The following FGF12 variants were observed in gnomAD, a reference collection of about 807,000 sequenced individuals.
FGF12 encodes fibroblast growth factor 12B.
FGF12 carries 14 observed loss-of-function variants against 23.6 expected under a neutral mutation model. The observed-to-expected ratio is 0.59, with a 90% CI of 0.39 to 0.93. FGF12 has a LOEUF of 0.93. FGF12 is among the 40% of genes least tolerant of loss of function. The pLI is 0.00. For synonymous variants in FGF12, 62 were observed against 77.3 expected, an observed-to-expected ratio of 0.80 and a Z score of 1.04; for missense variants, 175 against 217.8, an observed-to-expected ratio of 0.80 and a Z score of 1.24.
At chr3:192,558,914 T>C (rs1429267379) in intron 2 of FGF12, among the ~76,000 whole-genome samples, 2 of 151,828 alleles carry the variant, frequency 1.3e-5, no homozygotes, top group Non-Finnish European at 3.0e-5. Context: ...AATAATGAAA[T>C]TGAACCATTA....
chr3:192,472,754 T>C (rs1723209417), intron 2 of FGF12, among the ~76,000 whole-genome samples: 1 of 152,178 alleles, frequency 6.6e-6, no homozygotes, highest in Non-Finnish European at 1.5e-5. Flanking sequence ...TCCTCAGCCC[T>C]GTCTCCTCAC....
At chr3:192,692,249 G>A (rs1002225354) in intron 2 of FGF12, among the ~76,000 whole-genome samples, 3 of 152,028 alleles carry the variant, frequency 2.0e-5, no homozygotes, top group Non-Finnish European at 2.9e-5. Context: ...GATGAACATC[G>A]ATGCAAAAAT....
At chr3:192,451,672 T>C (rs1722525184) in intron 2 of FGF12, among the ~76,000 whole-genome samples, 1 of 152,194 alleles carries the variant, frequency 6.6e-6, no homozygotes, top group Admixed American at 6.5e-5. Flanking sequence ...AAATATCACA[T>C]ATATTTAGGA....
At chr3:192,620,151 C>T (rs1490327122) in intron 2 of FGF12, among the ~76,000 whole-genome samples, 2 of 152,068 alleles carry the variant, frequency 1.3e-5, no homozygotes, top group African/African-American at 2.4e-5. Context: ...CTCTCATCCT[C>T]CTCATCGAGG....
At chr3:192,543,956 T>G (rs1212149408) in intron 2 of FGF12, among the ~76,000 whole-genome samples, 1 of 152,212 alleles carries the variant, frequency 6.6e-6, no homozygotes, top group Non-Finnish European at 1.5e-5. Context: ...CTCCCAGAGC[T>G]GCAAGCTACA....
At chr3:192,439,326 T>G (rs142234199) in intron 2 of FGF12, among the ~76,000 whole-genome samples, 1 of 152,338 alleles carries the variant, frequency 6.6e-6, no homozygotes, top group East Asian at 1.9e-4. Flanking sequence ...TATTTCTTTA[T>G]GTCCAACACA....
At chr3:192,725,459 T>C (rs566276122) in intron 2 of FGF12, among the ~76,000 whole-genome samples, 82 of 152,284 alleles carry the variant, frequency 5.4e-4, no homozygotes, top group African/African-American at 1.9e-3. Flanking sequence ...CTGAGATTCT[T>C]TCTCCTTTCT....
intron 4 of FGF12, chr3:192,268,719 G>A: frequency 2.2e-6 from 1 of 447,624 alleles, no homozygotes. Context: ...GGAGATGCCA[G>A]CACCATGCTT....
chr3:192,464,862 C>T (rs1382604087), intron 2 of FGF12, among the ~76,000 whole-genome samples: 1 of 152,036 alleles, frequency 6.6e-6, no homozygotes, highest in Non-Finnish European at 1.5e-5. Context: ...TCTGAGAGGT[C>T]TGGCTGTTAA....
At chr3:192,369,208 A>G (rs1259902800) in intron 2 of FGF12, among the ~76,000 whole-genome samples, 1 of 152,234 alleles carries the variant, frequency 6.6e-6, no homozygotes, top group Non-Finnish European at 1.5e-5. Context: ...AATGAAAGTA[A>G]TAAGATATAC....
At chr3:192,398,194 C>A (rs1383779348) in intron 2 of FGF12, among the ~76,000 whole-genome samples, 1 of 152,126 alleles carries the variant, frequency 6.6e-6, no homozygotes, top group Non-Finnish European at 1.5e-5. Context: ...TAGTGCCTTG[C>A]AAGTAATTAA....
intron 4 of FGF12, among the ~76,000 whole-genome samples, chr3:192,286,842 C>T (rs902212275): frequency 6.6e-6 from 1 of 151,970 alleles, no homozygotes; most frequent in African/African-American, 2.4e-5. Context: ...AACTTTAAGA[C>T]ACTATATATC....
At chr3:192,276,450 T>C (rs2108634606) in intron 4 of FGF12, among the ~76,000 whole-genome samples, 1 of 151,956 alleles carries the variant, frequency 6.6e-6, no homozygotes, top group Admixed American at 6.6e-5. Context: ...GGTTACAGCT[T>C]ATTTTAAAAT....
At chr3:192,307,454 A>T (rs1172641634) in intron 4 of FGF12, among the ~76,000 whole-genome samples, 1 of 152,228 alleles carries the variant, frequency 6.6e-6, no homozygotes, top group East Asian at 1.9e-4. Context: ...AGTCTAGCCG[A>T]CCTCTATGAT....
chr3:192,332,339 C>T (rs1028200381), intron 4 of FGF12, among the ~76,000 whole-genome samples: 2 of 151,486 alleles, frequency 1.3e-5, no homozygotes, highest in African/African-American at 2.4e-5. Context: ...CCTGAGGTTA[C>T]AAACTTGCAG....
intron 2 of FGF12, among the ~76,000 whole-genome samples, chr3:192,510,777 T>C (rs1391409439): frequency 6.6e-6 from 1 of 152,202 alleles, no homozygotes; most frequent in African/African-American, 2.4e-5. Context: ...CGCAATGGAA[T>C]ATTATGCAGT....
intron 2 of FGF12, among the ~76,000 whole-genome samples, chr3:192,717,638 A>G (rs908024037): frequency 2.6e-5 from 4 of 152,190 alleles, no homozygotes; most frequent in African/African-American, 4.8e-5. Context: ...GTAATAAAAT[A>G]TGTGAAAAAG....
At chr3:192,432,361 G>A (rs896293479) in intron 2 of FGF12, among the ~76,000 whole-genome samples, 7 of 152,148 alleles carry the variant, frequency 4.6e-5, no homozygotes, top group African/African-American at 1.7e-4. Flanking sequence ...AAGAATAAGA[G>A]ACATTCCAAA....
rs137976118 is a variant in FGF12, at chr3:192,182,227, G to T, written c.229-11571C>A. Among the ~76,000 whole-genome samples the T allele has an allele frequency of 1.3e-4, 20 of 151,564 alleles. No individual in the cohort carries two copies. In the East Asian group the frequency reaches 3.9e-3, roughly 29 times the overall value. On this transcript the variant is annotated intron_variant, in intron 4 of 5. Transcript: ENST00000445105. ...CTGGGAAGGGATTTGGTTGGCTAGG[G>T]AGCAGAGATATAAGAAATAGACTTT...
Sources: gnomAD v4.1 joint callset for allele counts (sites outside exome capture counted in the v4.1 genomes callset) on GRCh38, gnomAD v4.1.1 for gene constraint, MANE v1.5 for transcripts, NCBI Gene and HGNC (gene_info 2026-07-23, HGNC 2026-07-21) for gene names.